UACA: variants seen among roughly 807,000 people sequenced by gnomAD.
The protein encoded by UACA is nuclear membrane binding protein.
A neutral mutation model predicts 160.5 loss-of-function variants in UACA; 112 were observed. The ratio of observed to expected loss-of-function variants is 0.70; its 90% CI spans 0.60 to 0.82. UACA has a LOEUF of 0.82. Among genes scored for constraint, UACA ranks in the 40% least tolerant of loss-of-function variants. The pLI is 0.00. For synonymous variants in UACA, 557 were observed against 568.4 expected, an observed-to-expected ratio of 0.98 and a Z score of 0.29; for missense variants, 1,574 against 1,614.6, an observed-to-expected ratio of 0.97 and a Z score of 0.43.
rs769951675 is a variant in UACA at position 70,691,326 on chromosome 15, A to G, written c.339T>C (p.His113=). The G allele has an allele frequency of 1.1e-5, 18 of 1,609,638 alleles. No homozygotes were observed. The highest frequency in any genetic ancestry group is 1.7e-5 in the Admixed American group (1 of 59,618). The change falls in exon 4 of 19, where the codon CAT becomes CAC. Residue 113 remains histidine (H), a synonymous_variant. Coordinates refer to ENST00000322954, the MANE Select transcript of UACA (RefSeq NM_018003.4). ...NALHLAAKYG[H]ALCLQKLLQY... is the part of the protein sequence containing the mutation. ...GTAGAAGTTTTTGTAGGCACAATGC[A>G]TGTCCATACTTAGCAGCCAGGTGAA...
chr15:70,742,502 G>C (rs1030173506), intron 1 of UACA, among the ~76,000 whole-genome samples: 1 of 152,132 alleles, frequency 6.6e-6, no homozygotes, highest in Non-Finnish European at 1.5e-5. Flanking sequence ...TTAGGTATAT[G>C]AATTTGCATG....
At position 70,676,565 on chromosome 15, in the gene UACA, T is replaced by C. The variant is rs565517215; in HGVS notation, c.1059A>G (p.Ala353=). ...SEREKLKSLL[A]AKEKQHEESL... is the part of the protein sequence containing the mutation. ...TTTCTTCATGTTGCTTTTCTTTAGCTGCCAAAAGGGACTTCAGCTTTTCTC... is the reference window on the plus strand; with the variant it reads ...TTTCTTCATGTTGCTTTTCTTTAGCCGCCAAAAGGGACTTCAGCTTTTCTC... The change falls in exon 13 of 19, where the codon GCA becomes GCG. Residue 353 remains alanine (A), a synonymous_variant. Transcript: ENST00000322954. The C allele has an allele frequency of 3.1e-6, 5 of 1,612,764 alleles. No individual in the cohort carries two copies. The South Asian group carries it at 4.4e-5, about 14-fold the overall frequency.
At chr15:70,765,190 C>A (rs1031216800), upstream of UACA, among the ~76,000 whole-genome samples, 25 of 152,184 alleles carry the variant, frequency 1.6e-4, no homozygotes, top group Non-Finnish European at 3.2e-4. Flanking sequence ...ATACTGATCC[C>A]TCCCCCAATA....
chr15:70,773,720 G>A, the UACA span, among the ~76,000 whole-genome samples: 2 of 152,284 alleles, frequency 1.3e-5, no homozygotes, highest in East Asian at 1.9e-4. Flanking sequence ...ACTTTACAGG[G>A]AGATGGGCAA....
intron 5 of UACA, 91 bp from the exon 6 acceptor site, chr15:70,687,911 C>T (rs1441001539): frequency 7.9e-7 from 1 of 1,261,100 alleles, no homozygotes; most frequent in Non-Finnish European, 1.1e-6. Context: ...ATAAGTTTTT[C>T]AATTTCTAAA....
At chr15:70,703,069 T>C in intron 1 of UACA, 1 of 1,281,936 alleles carries the variant, frequency 7.8e-7, no homozygotes, top group Non-Finnish European at 1.0e-6. Context: ...AAAATCTCCA[T>C]TTGGGGACAA....
rs1243090307 is a variant in UACA, at chr15:70,676,539, C to T, written c.1085G>A (p.Ser362Asn). The T allele has an allele frequency of 3.1e-6, 5 of 1,612,818 alleles. No homozygotes were observed. Among genetic ancestry groups the T allele is most frequent in the East Asian group, 4.5e-5 (2 of 44,758 alleles). ...LAAKEKQHEE[S>N]LRTIEALKNR... ...TTTCAGAGCCTCAATAGTCCTTAAG[C>T]TTTCTTCATGTTGCTTTTCTTTAGC... Residue 362 changes from serine to asparagine, a missense_variant, in exon 13 of 19, where the codon AGC becomes AAC. Transcript: ENST00000322954.
At chr15:70,773,110 C>G in the UACA span, among the ~76,000 whole-genome samples, 27 of 150,450 alleles carry the variant, frequency 1.8e-4, no homozygotes, top group Non-Finnish European at 3.7e-4. Context: ...GCAAAGAAGA[C>G]TGAGAGGAAA....
At chr15:70,676,412 A>G in intron 13 of UACA, 81 bp downstream of exon 13, 1 of 1,048,148 alleles carries the variant, frequency 9.5e-7, no homozygotes, top group East Asian at 2.5e-5. Context: ...TAAGAGATTT[A>G]TAATTCAAAT....
At position 70,671,074 on chromosome 15, in the gene UACA, G is replaced by A. The variant is rs913701457; in HGVS notation, c.1186C>T (p.Leu396Phe). Residue 396 changes from leucine (L) to phenylalanine (F), a missense_variant, in exon 15 of 19, where the codon CTT becomes TTT. Leu to Phe is a conservative substitution (Grantham distance 22, BLOSUM62 0). Coordinates refer to ENST00000322954, the MANE Select transcript of UACA (RefSeq NM_018003.4). ...GCCATATACATCTGACCTTGTTTAAGAAGCATATCTTCTTTTCCTAAATAA... is the reference window on the plus strand; with the variant it reads ...GCCATATACATCTGACCTTGTTTAAAAAGCATATCTTCTTTTCCTAAATAA... ...HFSNRKEDML[L>F]KQGQMYMADS... 5.0e-6 allele frequency: 8 copies of A among 1,593,556 alleles called. No homozygotes were observed. In the Admixed American group the frequency reaches 5.2e-5, roughly 10 times the overall value.
chr15:70,747,632 G>A lies in UACA; in HGVS notation c.78+15698C>T, dbSNP rs1428265838. 7.2e-5 allele frequency among the ~76,000 whole-genome samples: 11 copies of A among 152,018 alleles called. No homozygotes were observed. The East Asian group carries it at 2.1e-3, about 29-fold the overall frequency. ...CTCTGGTAGGGTAGAAAAGCAAGTG[G>A]TATTGGCCCCATCTTATAAGAGAAA... On this transcript the variant is annotated intron_variant, in intron 1 of 18. Coordinates refer to ENST00000322954, the MANE Select transcript of UACA (RefSeq NM_018003.4).
intron 18 of UACA, among the ~76,000 whole-genome samples, chr15:70,657,768 T>A (rs1374510382): frequency 6.6e-6 from 1 of 151,774 alleles, no homozygotes; most frequent in Non-Finnish European, 1.5e-5. Context: ...CTGCTGAGGT[T>A]TTTTGTTTGT....
At chr15:70,713,186 C>T (rs893574613) in intron 1 of UACA, among the ~76,000 whole-genome samples, 1 of 152,044 alleles carries the variant, frequency 6.6e-6, no homozygotes, top group African/African-American at 2.4e-5. Flanking sequence ...GTAGTCTCTA[C>T]TAAAAATACA....
In UACA at chr15:70,656,924, A is replaced by G; in HGVS notation, c.*132T>C. On this transcript the variant is annotated 3_prime_UTR_variant, in exon 19 of 19. Transcript: ENST00000322954. ...CATATTCATCTAATTTTAAAAAAAA[A>G]CCTACCAATAGAACAAAATATATTT... The G allele has an allele frequency of 1.8e-6, 1 of 563,348 alleles. No individual in the cohort carries two copies. The highest frequency in any genetic ancestry group is 3.0e-5 in the East Asian group (1 of 33,776). The allele number at this position is 563,348 out of a possible 1,614,324, so 34.9% of individuals were successfully genotyped here. A position where few individuals can be genotyped will look rare whatever the true frequency, so the allele number is the denominator to read the frequency against.
intron 8 of UACA, 103 bp from the exon 9 acceptor site, chr15:70,682,898 T>TTA (rs1462235647): frequency 1.5e-6 from 1 of 658,346 alleles, no homozygotes; most frequent in Non-Finnish European, 2.4e-6. Context: ...TAAATAAACT[T>TTA]TAGAGTTTCC....
upstream of UACA, among the ~76,000 whole-genome samples, chr15:70,765,454 C>T (rs963772372): frequency 1.3e-5 from 2 of 152,134 alleles, no homozygotes; most frequent in Non-Finnish European, 2.9e-5. Flanking sequence ...TCTATAGAAC[C>T]TTCCCTGATC....
At position 70,667,230 on chromosome 15, in the gene UACA, G is replaced by T. The variant is rs1896946882; in HGVS notation, c.3454C>A (p.Leu1152Met). ...YEKEQQTVTK[L>M]HQLLENQKNS... ...TTTTGATTCTCCAACAATTGATGCA[G>T]TTTGGTCACTGTCTGCTGCTCTTTC... is the stretch of plus-strand genomic sequence containing the variant. The change falls in exon 16 of 19, where the codon CTG becomes ATG. Residue 1152 changes from leucine to methionine, a missense_variant. Leu to Met is a conservative substitution (Grantham distance 15, BLOSUM62 2). Transcript: ENST00000322954. 6.2e-7 allele frequency: 1 copy of T among 1,613,816 alleles called. No individual in the cohort carries two copies. The highest frequency in any genetic ancestry group is 1.3e-5 in the African/African-American group (1 of 74,894).
chr15:70,758,765 G>C, intron 1 of UACA: 1 of 152,142 alleles, frequency 6.6e-6, no homozygotes, highest in East Asian at 1.9e-4. Flanking sequence ...AACATATTTA[G>C]TTCTGATTTA....
chr15:70,698,550 A>T (rs1566981323), intron 2 of UACA, among the ~76,000 whole-genome samples: 1 of 152,156 alleles, frequency 6.6e-6, no homozygotes, highest in South Asian at 2.1e-4. Context: ...GCTCTTAAAA[A>T]CTACTTAATT....
Sources: gnomAD v4.1 joint callset for allele counts (sites outside exome capture counted in the v4.1 genomes callset) on GRCh38, gnomAD v4.1.1 for gene constraint, MANE v1.5 for transcripts, NCBI Gene and HGNC (gene_info 2026-07-23, HGNC 2026-07-21) for gene names.